The following EYS variants were observed in gnomAD, a reference collection of about 807,000 sequenced individuals.
The protein encoded by EYS is EGF-like photoreceptor maintenance factor, also known as protein eyes shut homolog.
EYS carries 250 observed loss-of-function variants against 282.1 expected under a neutral mutation model. The ratio of observed to expected loss-of-function variants is 0.89; its 90% CI spans 0.80 to 0.98. The LOEUF (loss-of-function observed/expected upper bound fraction) is 0.98. Among genes scored for constraint, EYS ranks in the 50% least tolerant of loss-of-function variants. The pLI, the probability that EYS is intolerant of heterozygous loss-of-function variation, is 0.00. For missense variants in EYS, 4,016 were observed against 3,709.0 expected (o/e 1.08, Z -2.15); for synonymous variants, 1,355 against 1,282.9 (o/e 1.06, Z -1.20).
At chr6:64,518,443 A>C (rs903209482) in intron 26 of EYS, among the ~76,000 whole-genome samples, 2 of 151,748 alleles carry the variant, frequency 1.3e-5, no homozygotes, top group African/African-American at 4.8e-5. Flanking sequence ...TCATACCGTA[A>C]GTTGAAATGT....
At chr6:64,422,059 C>A (rs769757325) in intron 28 of EYS, among the ~76,000 whole-genome samples, 4 of 152,074 alleles carry the variant, frequency 2.6e-5, no homozygotes, top group African/African-American at 4.8e-5. Context: ...CAAAGGACAG[C>A]ACCTTACAAC....
intron 22 of EYS, among the ~76,000 whole-genome samples, chr6:64,719,251 T>C (rs538563049): frequency 8.6e-4 from 131 of 152,240 alleles, no homozygotes; most frequent in African/African-American, 3.0e-3. Context: ...TTTGGGCCTT[T>C]CCCAACCTGA....
chr6:64,442,335 G>T (rs1455636281), intron 26 of EYS, among the ~76,000 whole-genome samples: 1 of 152,160 alleles, frequency 6.6e-6, no homozygotes, highest in African/African-American at 2.4e-5. Context: ...TGACTTGGGT[G>T]CTGTTAAAGG....
chr6:65,523,094 A>G (rs1208016507), intron 2 of EYS, among the ~76,000 whole-genome samples: 1 of 152,184 alleles, frequency 6.6e-6, no homozygotes, highest in African/African-American at 2.4e-5. Flanking sequence ...TTGTCATGAC[A>G]TGCAAACCCC....
chr6:64,947,847 C>T lies in EYS; in HGVS notation c.2260-1933G>A, dbSNP rs186706683. On this transcript the variant is annotated intron_variant, in intron 14 of 42. Coordinates refer to ENST00000503581, the MANE Select transcript of EYS (RefSeq NM_001142800.2). ...TGGCATATGCATAAAATCTTCGGGA[C>T]ATGCCCATTCGTTATGTTCTGAAAT... 4.3e-3 allele frequency among the ~76,000 whole-genome samples: 648 copies of T among 151,806 alleles called. 7 individuals are homozygous for T. Among genetic ancestry groups the T allele is most frequent in the African/African-American group, 0.015 (612 of 41,490 alleles).
intron 35 of EYS, among the ~76,000 whole-genome samples, chr6:63,950,354 C>T (rs566679762): frequency 1.3e-5 from 2 of 152,238 alleles, no homozygotes; most frequent in East Asian, 3.9e-4. Context: ...GAAATTCCTT[C>T]TCCTGGCTCA....
chr6:65,184,395 C>A (rs896299211), intron 12 of EYS, among the ~76,000 whole-genome samples: 1 of 151,784 alleles, frequency 6.6e-6, no homozygotes, highest in African/African-American at 2.4e-5. Flanking sequence ...TTAATCTATT[C>A]ATGAGAGCCA....
chr6:64,119,477 G>C (rs1205856995), intron 31 of EYS, among the ~76,000 whole-genome samples: 1 of 152,084 alleles, frequency 6.6e-6, no homozygotes, highest in Non-Finnish European at 1.5e-5. Flanking sequence ...TTAATAGAAG[G>C]ATATTTAGAT....
intron 13 of EYS, among the ~76,000 whole-genome samples, chr6:65,033,495 C>G (rs1772668739): frequency 6.6e-6 from 1 of 152,090 alleles, no homozygotes; most frequent in Non-Finnish European, 1.5e-5. Flanking sequence ...TGAAGTTGCT[C>G]CCCATGTTCT....
chr6:65,238,360 A>G (rs1345244760), intron 12 of EYS, among the ~76,000 whole-genome samples: 1 of 151,622 alleles, frequency 6.6e-6, no homozygotes, highest in Non-Finnish European at 1.5e-5. Context: ...TTTCACTGTC[A>G]CTTGTCAGAA....
chr6:65,645,940 A>G (rs1364230784), intron 1 of EYS, among the ~76,000 whole-genome samples: 1 of 152,086 alleles, frequency 6.6e-6, no homozygotes, highest in Non-Finnish European at 1.5e-5. Flanking sequence ...AGATGGTTAA[A>G]TTCCTGGAAA....
chr6:64,691,182 C>T (rs142573603), intron 22 of EYS, among the ~76,000 whole-genome samples: 6 of 151,998 alleles, frequency 3.9e-5, no homozygotes, highest in East Asian at 1.9e-4. Flanking sequence ...TTAAAAAGTA[C>T]GCATGTAACA....
rs1064797324 is a variant in EYS at position 63,762,497 on chromosome 6, A to C, written c.8035T>G (p.Cys2679Gly). ...TAGATTCCAGTGGTTCCTAGAGGAC[A>C]GAAACAGGTGTATCCATGAGGTAAT... ...ISLPHGYTCFCPLGTTGIYCE... is the reference protein window; with the variant it reads ...ISLPHGYTCFGPLGTTGIYCE... Residue 2679 changes from cysteine to glycine, a missense_variant, in exon 41 of 43, where the codon TGT becomes GGT. By Grantham distance (159) the Cys-to-Gly change is radical (BLOSUM62 -3). Coordinates refer to ENST00000503581, the MANE Select transcript of EYS (RefSeq NM_001142800.2). 6.5e-6 allele frequency: 10 copies of C among 1,550,266 alleles called. No individual in the cohort carries two copies. Among genetic ancestry groups the C allele is most frequent in the African/African-American group, 1.4e-5 (1 of 73,054 alleles).
intron 2 of EYS, among the ~76,000 whole-genome samples, chr6:65,536,152 G>A (rs893135614): frequency 2.6e-5 from 4 of 151,956 alleles, no homozygotes; most frequent in South Asian, 2.1e-4. Flanking sequence ...ATAAATTTGA[G>A]AATCATACGA....
intron 22 of EYS, among the ~76,000 whole-genome samples, chr6:64,645,296 A>C (rs1419495623): frequency 6.6e-6 from 1 of 152,236 alleles, no homozygotes; most frequent in East Asian, 1.9e-4. Flanking sequence ...AAACAGAAGC[A>C]TTAAGATTTC....
At chr6:65,630,806 A>G (rs533242553) in intron 2 of EYS, among the ~76,000 whole-genome samples, 42 of 152,330 alleles carry the variant, frequency 2.8e-4, no homozygotes, top group Admixed American at 2.5e-3. Flanking sequence ...CCTCCAAACA[A>G]TAAAGAAATT....
intron 41 of EYS, among the ~76,000 whole-genome samples, chr6:63,760,712 C>T (rs972326143): frequency 4.0e-5 from 6 of 151,118 alleles, no homozygotes; most frequent in African/African-American, 1.5e-4. Flanking sequence ...AATCTTCTAT[C>T]TATACATCCA....
intron 13 of EYS, among the ~76,000 whole-genome samples, chr6:65,056,717 G>A (rs1009440317): frequency 5.3e-5 from 8 of 151,956 alleles, no homozygotes; most frequent in Non-Finnish European, 1.2e-4. Flanking sequence ...ATAAAATAGT[G>A]TCTATTATAT....
At chr6:65,309,218 G>T (rs931186000) in intron 11 of EYS, among the ~76,000 whole-genome samples, 1 of 152,092 alleles carries the variant, frequency 6.6e-6, no homozygotes, top group Non-Finnish European at 1.5e-5. Context: ...ACAGTTTTGC[G>T]TGTAGGGAAA....
Sources: gnomAD v4.1 joint callset for allele counts (sites outside exome capture counted in the v4.1 genomes callset) on GRCh38, gnomAD v4.1.1 for gene constraint, MANE v1.5 for transcripts, NCBI Gene and HGNC (gene_info 2026-07-23, HGNC 2026-07-21) for gene names.